The following ABCB11 variants were observed in gnomAD, a reference collection of about 807,000 sequenced individuals.
ABCB11 encodes the protein ATP binding cassette subfamily B member 11.
A neutral mutation model predicts 148.0 loss-of-function variants in ABCB11; 95 were observed. The ratio of observed to expected loss-of-function variants is 0.64; its 90% CI spans 0.54 to 0.76. The LOEUF (loss-of-function observed/expected upper bound fraction) is 0.76. Among genes scored for constraint, ABCB11 ranks in the 30% least tolerant of loss-of-function variants. The pLI is 0.00. For synonymous variants in ABCB11, 591 were observed against 555.4 expected, an observed-to-expected ratio of 1.06 and a Z score of -0.90; for missense variants, 1,523 against 1,617.8, an observed-to-expected ratio of 0.94 and a Z score of 1.01.
At chr2:168,916,196 T>C (rs1272590773), downstream of ABCB11, among the ~76,000 whole-genome samples, 2 of 152,258 alleles carry the variant, frequency 1.3e-5, no homozygotes, top group Non-Finnish European at 2.9e-5. Context: ...TAATCTTGTA[T>C]AATAATCATA....
chr2:168,942,514 AAAAATAGAAAGAATT>A (rs1245309883), intron 21 of ABCB11, among the ~76,000 whole-genome samples: 1 of 151,828 alleles, frequency 6.6e-6, no homozygotes, highest in East Asian at 1.9e-4. Flanking sequence ...GTGCAAAAAA[AAAAATAGAAAGAATT>A]AATAAGACAT....
chr2:169,008,404 G>A (rs1238713949), intron 5 of ABCB11, among the ~76,000 whole-genome samples: 2 of 152,046 alleles, frequency 1.3e-5, no homozygotes, highest in East Asian at 3.9e-4. Context: ...CTCTCTACAG[G>A]CAAATCCCCC....
intron 9 of ABCB11, 87 bp downstream of exon 9, chr2:168,990,714 G>T: frequency 1.9e-6 from 3 of 1,543,672 alleles, no homozygotes; most frequent in Non-Finnish European, 2.7e-6. Flanking sequence ...GACCAAGGTG[G>T]GTCTGCCGCT....
intron 5 of ABCB11, among the ~76,000 whole-genome samples, chr2:169,009,433 A>G (rs537295779): frequency 6.6e-6 from 1 of 152,172 alleles, no homozygotes; most frequent in Non-Finnish European, 1.5e-5. Flanking sequence ...TTGTAGGGAC[A>G]TGGATGAAAC....
At chr2:168,970,257 G>A (rs1224861256) in intron 14 of ABCB11, 42 bp from the exon 15 acceptor site, 28 of 1,586,504 alleles carry the variant, frequency 1.8e-5, no homozygotes, top group Non-Finnish European at 2.4e-5. Flanking sequence ...AAAAGAATTT[G>A]ATGGCTTCTG....
chr2:168,982,780 G>A (rs980548896), intron 10 of ABCB11, among the ~76,000 whole-genome samples: 10 of 152,014 alleles, frequency 6.6e-5, no homozygotes, highest in South Asian at 2.1e-4. Context: ...GAGAGAGAGC[G>A]AGCGAGAGAG....
rs753926408 is a variant in ABCB11, at chr2:168,935,410, G to C, written c.2830C>G (p.Leu944Val). The C allele has an allele frequency of 3.1e-6, 5 of 1,612,016 alleles. No individual in the cohort carries two copies. The highest frequency in any genetic ancestry group is 2.7e-5 in the African/African-American group (2 of 74,814). ...CCAGCAACAGTGCGGATGTTACTGA[G>C]GGCTTCATTTGTAATCTGAAGATTG... ...EMVGQITNEA[L>V]SNIRTVAGIG... The change falls in exon 23 of 28, where the codon CTC becomes GTC. Residue 944 changes from leucine (L) to valine (V), a missense_variant. Physicochemically the swap from Leu to Val is conservative, Grantham distance 32. Coordinates refer to ENST00000650372, the MANE Select transcript of ABCB11 (RefSeq NM_003742.4).
rs2105869592 is a variant in ABCB11 at position 168,921,137 on chromosome 2, A to C, written c.*2485T>G. Reference sequence around the variant, plus strand: ...AAAAGGCATCTTTACTCTGCAACTTACTCGTCATTGCCATTTTTCATAACC... The same window carrying C: ...AAAAGGCATCTTTACTCTGCAACTTCCTCGTCATTGCCATTTTTCATAACC... On this transcript the variant is annotated 3_prime_UTR_variant, in exon 28 of 28. Transcript: ENST00000650372. Among the ~76,000 whole-genome samples the C allele has an allele frequency of 6.6e-6, 1 of 152,206 alleles. No individual in the cohort carries two copies. The highest frequency in any genetic ancestry group is 1.9e-4 in the East Asian group (1 of 5,180).
intron 5 of ABCB11, among the ~76,000 whole-genome samples, chr2:169,011,350 C>T (rs780629274): frequency 2.0e-5 from 3 of 152,090 alleles, no homozygotes; most frequent in Non-Finnish European, 2.9e-5. Flanking sequence ...GGTCAAACCC[C>T]TCTGTAAAAA....
chr2:169,003,070 T>C (rs1694920771), intron 5 of ABCB11, among the ~76,000 whole-genome samples: 2 of 152,086 alleles, frequency 1.3e-5, no homozygotes, highest in Non-Finnish European at 2.9e-5. Context: ...ATCCAAGCAG[T>C]GTACACTGCA....
chr2:168,989,382 G>T (rs912560559), intron 9 of ABCB11, among the ~76,000 whole-genome samples: 3 of 152,032 alleles, frequency 2.0e-5, no homozygotes, highest in African/African-American at 7.2e-5. Flanking sequence ...TGAAGAGACT[G>T]CCCTTTCCTC....
intron 10 of ABCB11, among the ~76,000 whole-genome samples, chr2:168,984,365 G>A (rs994128643): frequency 8.9e-4 from 135 of 152,106 alleles, no homozygotes; most frequent in African/African-American, 3.0e-3. Flanking sequence ...CCACATTTCC[G>A]TTGCTCACTG....
At chr2:168,932,650 G>T in intron 23 of ABCB11, 117 bp from the exon 24 acceptor site, 1 of 1,261,870 alleles carries the variant, frequency 7.9e-7, no homozygotes, top group Non-Finnish European at 1.1e-6. Context: ...AAATATCCTT[G>T]AGCAAGTCAC....
At chr2:168,995,975 TAAAAAAAAAAAAA>T (rs3083997) in intron 6 of ABCB11, among the ~76,000 whole-genome samples, 20 of 63,036 alleles carry the variant, frequency 3.2e-4, no homozygotes, top group African/African-American at 1.3e-3. Flanking sequence ...TTTCCCTAAC[TAAAAAAAAAAAAA>T]AAAAAAAAAA....
At chr2:169,027,600 G>A (rs968338178) in intron 1 of ABCB11, among the ~76,000 whole-genome samples, 5 of 152,212 alleles carry the variant, frequency 3.3e-5, no homozygotes, top group African/African-American at 4.8e-5. Context: ...GAGACCATCA[G>A]CTAGATGGTC....
Position 168,957,966 on chromosome 2 carries a change from C to G in ABCB11, c.2341G>C (p.Gly781Arg). 5.7e-6 allele frequency: 9 copies of G among 1,568,842 alleles called. No homozygotes were observed. The highest frequency in any genetic ancestry group is 7.8e-6 in the Non-Finnish European group (9 of 1,147,200). Reference protein sequence around the residue: ...LYAFLFSQILGTFSIPDKEEQ... With the variant: ...LYAFLFSQILRTFSIPDKEEQ... ...AGCTAGTCCAGCTGTGTACTTACCC[C>G]AAGAATCTGGCTGAATAAAAAGGCA... The change falls in exon 19 of 28, where the codon GGG becomes CGG. Residue 781 changes from glycine to arginine, a missense_variant and splice_region_variant. Coordinates refer to ENST00000650372, the MANE Select transcript of ABCB11 (RefSeq NM_003742.4).
chr2:169,014,210 C>A, intron 4 of ABCB11, 93 bp downstream of exon 4: 1 of 1,285,036 alleles, frequency 7.8e-7, no homozygotes, highest in Non-Finnish European at 1.1e-6. Flanking sequence ...AGTTAAAAAC[C>A]TGCCAATATG....
intron 21 of ABCB11, among the ~76,000 whole-genome samples, chr2:168,939,030 A>G (rs1250296337): frequency 6.6e-6 from 1 of 152,112 alleles, no homozygotes; most frequent in African/African-American, 2.4e-5. Context: ...ACTTTAAAAA[A>G]TAGCTGTGCA....
chr2:168,955,853 A>T (rs1692765533), intron 19 of ABCB11, among the ~76,000 whole-genome samples: 1 of 151,678 alleles, frequency 6.6e-6, no homozygotes, highest in South Asian at 2.1e-4. Flanking sequence ...AGCATTGGGT[A>T]AATCCTTCTG....
Sources: allele counts gnomAD v4.1 joint callset (sites outside exome capture counted in the v4.1 genomes callset), GRCh38; gene constraint gnomAD v4.1.1; transcripts MANE v1.5; gene names NCBI Gene and HGNC (gene_info 2026-07-23, HGNC 2026-07-21).